The following ARHGEF3 variants were observed in gnomAD, a reference collection of about 807,000 sequenced individuals.
The protein encoded by ARHGEF3 is 59.8 kDA protein.
Under a neutral mutation model 63.2 loss-of-function variants are expected in ARHGEF3, and 28 were observed. The observed-to-expected ratio is 0.44, with a 90% CI of 0.33 to 0.61. ARHGEF3 has a LOEUF of 0.61. Ranked by LOEUF, ARHGEF3 falls within the 20% of genes least tolerant of loss-of-function variation. The probability of loss-of-function intolerance (pLI) is 0.03; values close to 1 mark genes in which losing one functional copy is unlikely to be tolerated. For synonymous variants in ARHGEF3, 266 were observed against 254.2 expected (o/e 1.05, Z -0.44); for missense variants, 533 against 659.3 (o/e 0.81, Z 2.10).
chr3:56,924,561 T>C lies in ARHGEF3; in HGVS notation c.129+34262A>G, dbSNP rs542204589. On this transcript the variant is annotated intron_variant, in intron 3 of 12. Transcript: ENST00000338458. ...AGACGGTTGCCCATTTTTACAGTTA[T>C]TTCTTGATTATATGTTAAACAAGAG... Among the ~76,000 whole-genome samples the C allele has an allele frequency of 2.6e-5, 4 of 152,330 alleles. 1 individual carries two copies. In the South Asian group the frequency reaches 8.3e-4, roughly 32 times the overall value.
intron 3 of ARHGEF3, among the ~76,000 whole-genome samples, chr3:56,921,378 G>C (rs377554116): frequency 8.0e-5 from 12 of 150,324 alleles, no homozygotes; most frequent in Admixed American, 3.3e-4. Flanking sequence ...ATTTAGGTAA[G>C]ACTAAGGAAA....
intron 2 of ARHGEF3, among the ~76,000 whole-genome samples, chr3:56,764,230 G>C (rs564920796): frequency 6.6e-6 from 1 of 152,146 alleles, no homozygotes; most frequent in Non-Finnish European, 1.5e-5. Context: ...AATTTGCATA[G>C]TGCAAGTCCA....
chr3:56,812,848 T>A (rs561640656), intron 4 of ARHGEF3, among the ~76,000 whole-genome samples: 2 of 152,224 alleles, frequency 1.3e-5, no homozygotes, highest in Non-Finnish European at 1.5e-5. Context: ...TGTTCTCCCC[T>A]CCTAGAGCCT....
intron 3 of ARHGEF3, among the ~76,000 whole-genome samples, chr3:56,934,847 G>A (rs543625172): frequency 1.4e-4 from 21 of 152,380 alleles, no homozygotes; most frequent in East Asian, 5.8e-4. Context: ...GCTGAGGAGC[G>A]CGAGCACACG....
chr3:56,884,899 GGA>G (rs1332395938), intron 3 of ARHGEF3, among the ~76,000 whole-genome samples: 1 of 152,208 alleles, frequency 6.6e-6, no homozygotes, highest in African/African-American at 2.4e-5. Context: ...ACTGAGGTCA[GGA>G]GAGAGAAGCA....
intron 1 of ARHGEF3, among the ~76,000 whole-genome samples, chr3:57,077,489 T>C (rs1706272839): frequency 6.6e-6 from 1 of 152,178 alleles, no homozygotes; most frequent in African/African-American, 2.4e-5. Flanking sequence ...AGCTCTTATC[T>C]GTGGAGATTC....
At chr3:56,830,951 C>T (rs927629296) in intron 4 of ARHGEF3, among the ~76,000 whole-genome samples, 1 of 152,198 alleles carries the variant, frequency 6.6e-6, no homozygotes, top group Non-Finnish European at 1.5e-5. Flanking sequence ...CTCCTATTCC[C>T]AGCCCCAGTC....
chr3:56,805,919 G>C (rs976193721), upstream of ARHGEF3, among the ~76,000 whole-genome samples: 4 of 152,182 alleles, frequency 2.6e-5, no homozygotes, highest in African/African-American at 9.7e-5. Context: ...ATCCAGAATA[G>C]GATTCTGGTG....
At chr3:56,750,881 G>A (rs1032617443) in intron 6 of ARHGEF3, among the ~76,000 whole-genome samples, 175 bp downstream of exon 6, 1 of 151,288 alleles carries the variant, frequency 6.6e-6, no homozygotes, top group Non-Finnish European at 1.5e-5. Context: ...CTATTTTCAT[G>A]CTTTAAAGAT....
rs1289579613 is a variant in ARHGEF3, at chr3:56,958,891, T to C, written c.63-2A>G. The C allele has an allele frequency of 1.9e-6, 3 of 1,550,506 alleles. No homozygotes were observed. In the South Asian group the frequency reaches 3.6e-5, roughly 18 times the overall value. On this transcript the variant is annotated splice_acceptor_variant, in intron 2 of 12. Coordinates refer to the ARHGEF3 transcript ENST00000338458. LOFTEE classifies it high-confidence loss of function. ...TTGTTTTGCCGCTGCCGTTTAGGCC[T>C]AGAAGAGAAAAGACAATGTATTCAT...
intron 4 of ARHGEF3, among the ~76,000 whole-genome samples, chr3:56,872,858 T>C (rs1009743081): frequency 3.9e-5 from 6 of 152,234 alleles, no homozygotes; most frequent in African/African-American, 1.4e-4. Context: ...ATGGAATACT[T>C]GTATTAATAA....
chr3:57,030,313 T>C (rs1027638573), intron 2 of ARHGEF3, among the ~76,000 whole-genome samples: 4 of 151,958 alleles, frequency 2.6e-5, no homozygotes, highest in Admixed American at 2.6e-4. Context: ...AAGGAGGAGG[T>C]GCTCAACACA....
At chr3:56,870,300 GA>G (rs2040396267) in intron 4 of ARHGEF3, among the ~76,000 whole-genome samples, 1 of 151,992 alleles carries the variant, frequency 6.6e-6, no homozygotes, top group Non-Finnish European at 1.5e-5. Flanking sequence ...AAAAAGTAGC[GA>G]ATTACCAAGT....
intron 2 of ARHGEF3, among the ~76,000 whole-genome samples, chr3:56,769,375 G>A (rs1241184406): frequency 6.6e-6 from 1 of 152,220 alleles, no homozygotes; most frequent in African/African-American, 2.4e-5. Flanking sequence ...GCCAGGGAGG[G>A]AATTTATAGG....
rs2037678743 is a variant in ARHGEF3 at position 56,801,941 on chromosome 3, G to A, written c.-143C>T. On this transcript the variant is annotated 5_prime_UTR_variant, in exon 1 of 10. Transcript: ENST00000296315. ...CGACAGCCGGCTTCTAGCCGGGCAG[G>A]ACTCGACTGGGCTCCGGAGCCGAGT... The A allele has an allele frequency of 1.3e-6, 2 of 1,495,200 alleles. No homozygotes were observed. Among genetic ancestry groups the A allele is most frequent in the Non-Finnish European group, 1.8e-6 (2 of 1,120,946 alleles). The allele number at this position is 1,495,200 out of a possible 1,614,324, so 92.6% of individuals were successfully genotyped here. A position where few individuals can be genotyped will look rare whatever the true frequency, so the allele number is the denominator to read the frequency against.
At chr3:57,002,483 A>ATATATATATATGTTATATATATATAGGT (rs1553802498) in intron 2 of ARHGEF3, among the ~76,000 whole-genome samples, 1 of 40,684 alleles carries the variant, frequency 2.5e-5, no homozygotes, top group African/African-American at 1.1e-4. Context: ...TATATGTTAT[A>ATATATATATATGTTATATATATATAGGT]TATATATATA....
At chr3:56,884,622 AC>A (rs2040864579) in intron 3 of ARHGEF3, among the ~76,000 whole-genome samples, 1 of 152,188 alleles carries the variant, frequency 6.6e-6, no homozygotes, top group Non-Finnish European at 1.5e-5. Flanking sequence ...TAACAAGCTC[AC>A]CCAGTGACTT....
intron 3 of ARHGEF3, among the ~76,000 whole-genome samples, chr3:56,942,232 G>A (rs1699222727): frequency 1.3e-5 from 2 of 152,174 alleles, no homozygotes; most frequent in African/African-American, 4.8e-5. Flanking sequence ...GCCACAAACT[G>A]AAGGTTTGTG....
intron 3 of ARHGEF3, among the ~76,000 whole-genome samples, chr3:56,953,528 TC>T (rs2106704917): frequency 6.6e-6 from 1 of 152,254 alleles, no homozygotes; most frequent in South Asian, 2.1e-4. Flanking sequence ...AGCTGCCCCT[TC>T]CCCACCTCAA....
Sources: gnomAD v4.1 joint callset for allele counts (sites outside exome capture counted in the v4.1 genomes callset) on GRCh38, gnomAD v4.1.1 for gene constraint, MANE v1.5 for transcripts, NCBI Gene and HGNC (gene_info 2026-07-23, HGNC 2026-07-21) for gene names.